The following SNX8 variants were observed in gnomAD, a reference collection of about 807,000 sequenced individuals.
The protein encoded by SNX8 is sorting nexin-8.
A neutral mutation model predicts 51.6 loss-of-function variants in SNX8; 25 were observed. The ratio of observed to expected loss-of-function variants is 0.48; its 90% CI spans 0.35 to 0.68. The LOEUF (loss-of-function observed/expected upper bound fraction) is 0.68. SNX8 is among the 30% of genes least tolerant of loss of function. SNX8 has a pLI of 0.00. For synonymous variants in SNX8, 324 were observed against 277.0 expected, an observed-to-expected ratio of 1.17 and a Z score of -1.68; for missense variants, 695 against 624.0, an observed-to-expected ratio of 1.11 and a Z score of -1.21.
chr7:2,354,363 G>A (rs576731016), upstream of SNX8: 2 of 152,364 alleles, frequency 1.3e-5, no homozygotes, highest in East Asian at 1.9e-4. Context: ...GGACAGGGGG[G>A]ACTTTAGTAA....
intron 5 of SNX8, among the ~76,000 whole-genome samples, chr7:2,268,528 C>A (rs922791915): frequency 7.6e-6 from 1 of 132,280 alleles, no homozygotes; most frequent in Non-Finnish European, 1.7e-5. Context: ...CCCGGCCAGC[C>A]GTGCCATCCG....
chr7:2,354,201 C>G (rs1378608173), intron 1 of SNX8: 1 of 152,252 alleles, frequency 6.6e-6, no homozygotes, highest in African/African-American at 2.4e-5. Context: ...TGGGGGTAAG[C>G]GATTAAAGAA....
chr7:2,302,412 T>C (rs1796418894), intron 1 of SNX8, among the ~76,000 whole-genome samples: 3 of 152,236 alleles, frequency 2.0e-5, no homozygotes, highest in Admixed American at 2.0e-4. Context: ...TGCTCAATGG[T>C]GCCCAGGCTG....
intron 1 of SNX8, among the ~76,000 whole-genome samples, chr7:2,340,654 C>G (rs1778904319): frequency 6.7e-6 from 1 of 149,642 alleles, no homozygotes; most frequent in African/African-American, 2.5e-5. Flanking sequence ...GTCAGGAGTT[C>G]AAGACCAGCC....
chr7:2,337,882 C>A, intron 1 of SNX8, among the ~76,000 whole-genome samples: 1 of 139,824 alleles, frequency 7.2e-6, no homozygotes. Context: ...AAGAAAAACC[C>A]TAGAGCAACC....
intron 1 of SNX8, among the ~76,000 whole-genome samples, chr7:2,290,276 G>A (rs1335010791): frequency 2.0e-5 from 3 of 152,060 alleles, no homozygotes; most frequent in Admixed American, 6.6e-5. Flanking sequence ...CAAGATGGGC[G>A]GATCACTGGA....
chr7:2,310,535 AG>A (rs1381313597), intron 1 of SNX8, among the ~76,000 whole-genome samples: 1 of 152,128 alleles, frequency 6.6e-6, no homozygotes, highest in African/African-American at 2.4e-5. Flanking sequence ...TGGTAGGCCG[AG>A]GCAGGCAGAT....
intron 7 of SNX8, among the ~76,000 whole-genome samples, chr7:2,258,546 C>T (rs1440003658): frequency 6.6e-6 from 1 of 152,120 alleles, no homozygotes; most frequent in Admixed American, 6.5e-5. Context: ...GTGTGCAAAA[C>T]GGGCACGCCC....
At chr7:2,321,419 T>C (rs1449959616) in intron 1 of SNX8, among the ~76,000 whole-genome samples, 2 of 150,748 alleles carry the variant, frequency 1.3e-5, no homozygotes, top group African/African-American at 2.4e-5. Flanking sequence ...AAAAAGAAAA[T>C]GGAATTTCTT....
chr7:2,258,982 C>T (rs1795269458), intron 7 of SNX8, among the ~76,000 whole-genome samples: 1 of 152,160 alleles, frequency 6.6e-6, no homozygotes, highest in Non-Finnish European at 1.5e-5. Flanking sequence ...CAGACGCTGC[C>T]TCGGCCTCCC....
At chr7:2,334,457 G>A (rs1337307550) in intron 1 of SNX8, among the ~76,000 whole-genome samples, 1 of 151,660 alleles carries the variant, frequency 6.6e-6, no homozygotes, top group African/African-American at 2.4e-5. Context: ...CAACACTTTG[G>A]GAAGCCAAGG....
At chr7:2,328,615 C>A (rs560324325) in intron 1 of SNX8, among the ~76,000 whole-genome samples, 11 of 150,792 alleles carry the variant, frequency 7.3e-5, no homozygotes, top group African/African-American at 2.7e-4. Flanking sequence ...GAGTTTGAGA[C>A]CAGTGTGGCC....
chr7:2,330,195 TGGC>T (rs1452415789), intron 1 of SNX8, among the ~76,000 whole-genome samples: 2 of 146,160 alleles, frequency 1.4e-5, no homozygotes, highest in Non-Finnish European at 3.0e-5. Context: ...TGGAGTGCAG[TGGC>T]GGCATCTCGG....
At chr7:2,343,552 G>C (rs1202335519) in intron 1 of SNX8, among the ~76,000 whole-genome samples, 2 of 152,038 alleles carry the variant, frequency 1.3e-5, no homozygotes, top group Non-Finnish European at 2.9e-5. Context: ...GCGTGCACCT[G>C]TAGTCCCAGC....
At chr7:2,348,878 G>A (rs1260943493) in intron 1 of SNX8, among the ~76,000 whole-genome samples, 2 of 150,826 alleles carry the variant, frequency 1.3e-5, no homozygotes, top group Admixed American at 1.3e-4. Flanking sequence ...TTTGAACCCG[G>A]GAGGCGGAGT....
chr7:2,312,039 C>T lies in SNX8; in HGVS notation c.94+2289G>A, dbSNP rs185725398. Among the ~76,000 whole-genome samples, 13 of 152,268 alleles carry T rather than the reference C, an allele frequency of 8.5e-5. No homozygotes were observed. The East Asian group carries it at 2.5e-3, about 29-fold the overall frequency. On this transcript the variant is annotated intron_variant, in intron 1 of 10. Transcript: ENST00000222990. ...GTCTACGTCCCAAGAGTCTGTGAGC[C>T]CCACTTTCAGACTTGCCTGGTTACA... is the stretch of plus-strand genomic sequence containing the variant.
upstream of SNX8, among the ~76,000 whole-genome samples, chr7:2,318,982 T>C (rs1796795012): frequency 6.6e-6 from 1 of 152,114 alleles, no homozygotes. Context: ...CACTCCAGCC[T>C]GGGTGATAGA....
At chr7:2,280,219 C>T (rs1039426920) in intron 1 of SNX8, among the ~76,000 whole-genome samples, 5 of 152,290 alleles carry the variant, frequency 3.3e-5, no homozygotes, top group East Asian at 1.9e-4. Flanking sequence ...AGAGATCCTA[C>T]GCCCAGCTTG....
chr7:2,333,102 G>A (rs552276418), intron 1 of SNX8, among the ~76,000 whole-genome samples: 13 of 150,472 alleles, frequency 8.6e-5, no homozygotes, highest in South Asian at 6.4e-4. Context: ...AAATAGAGAC[G>A]GGGGTCTCAC....
Sources: allele counts gnomAD v4.1 joint callset (sites outside exome capture counted in the v4.1 genomes callset), GRCh38; gene constraint gnomAD v4.1.1; transcripts MANE v1.5; gene names NCBI Gene and HGNC (gene_info 2026-07-23, HGNC 2026-07-21).